The following SPAG16 variants were observed in gnomAD, a reference collection of about 807,000 sequenced individuals.
SPAG16 encodes the protein sperm associated antigen 16.
A neutral mutation model predicts 80.4 loss-of-function variants in SPAG16; 86 were observed. The observed-to-expected ratio is 1.07, with a 90% CI of 0.90 to 1.28. The LOEUF (loss-of-function observed/expected upper bound fraction) is 1.28, where lower values mean the gene tolerates loss of function less well. Among genes scored for constraint, SPAG16 ranks in the 50% most tolerant of loss-of-function variants. The pLI, the probability that SPAG16 is intolerant of heterozygous loss-of-function variation, is 0.00. For synonymous variants in SPAG16, 294 were observed against 265.9 expected (o/e 1.11, Z -1.03); for missense variants, 870 against 765.3 (o/e 1.14, Z -1.61).
chr2:213,920,625 T>C (rs1299879216), intron 11 of SPAG16, among the ~76,000 whole-genome samples: 1 of 152,188 alleles, frequency 6.6e-6, no homozygotes, highest in Non-Finnish European at 1.5e-5. Flanking sequence ...CCAGAGCACC[T>C]GCTTGTTCTA....
At chr2:213,801,076 A>G (rs1385623386) in intron 10 of SPAG16, among the ~76,000 whole-genome samples, 1 of 152,214 alleles carries the variant, frequency 6.6e-6, no homozygotes, top group Non-Finnish European at 1.5e-5. Context: ...TGAAATGTAT[A>G]TGGATTAAAA....
At chr2:213,902,088 T>C (rs1575500767) in intron 11 of SPAG16, among the ~76,000 whole-genome samples, 1 of 152,294 alleles carries the variant, frequency 6.6e-6, no homozygotes, top group Non-Finnish European at 1.5e-5. Context: ...TTTAAGACTT[T>C]GCAAGAGGAT....
At chr2:213,778,091 A>G (rs953723350) in intron 10 of SPAG16, among the ~76,000 whole-genome samples, 9 of 152,216 alleles carry the variant, frequency 5.9e-5, no homozygotes, top group African/African-American at 2.2e-4. Flanking sequence ...ATCTAAATAT[A>G]TAGAATGAAC....
intron 11 of SPAG16, among the ~76,000 whole-genome samples, chr2:213,881,369 C>T (rs949613186): frequency 2.6e-5 from 4 of 152,168 alleles, no homozygotes; most frequent in African/African-American, 7.2e-5. Context: ...AGCCTTTTGA[C>T]AGTCTTCAGA....
chr2:214,041,639 C>T (rs1041386385), intron 13 of SPAG16, among the ~76,000 whole-genome samples: 2 of 151,512 alleles, frequency 1.3e-5, no homozygotes, highest in South Asian at 4.1e-4. Flanking sequence ...TTCTTTTTCA[C>T]TTCACCATAT....
chr2:213,710,979 A>G (rs573715519), intron 10 of SPAG16, among the ~76,000 whole-genome samples: 3 of 152,282 alleles, frequency 2.0e-5, no homozygotes, highest in African/African-American at 7.2e-5. Context: ...TTTTAATTGT[A>G]ATAATATAGG....
Position 213,909,716 on chromosome 2 carries a change from A to G in SPAG16, c.1215-20244A>G, listed in dbSNP as rs548267759. Among the ~76,000 whole-genome samples, 174 of 152,298 alleles carry G rather than the reference A, an allele frequency of 1.1e-3. 1 individual carries two copies. The highest frequency in any genetic ancestry group is 5.1e-4 in the Non-Finnish European group (35 of 68,030). ...TGGATCCCTTCCTTACACCTTATAC[A>G]AAAATTAATTCAAGATGGATTAAAG... On this transcript the variant is annotated intron_variant, in intron 11 of 15. Transcript: ENST00000331683.
intron 12 of SPAG16, among the ~76,000 whole-genome samples, chr2:213,974,530 A>C (rs2045255552): frequency 6.6e-6 from 1 of 151,994 alleles, no homozygotes; most frequent in African/African-American, 2.4e-5. Flanking sequence ...AAATATGATA[A>C]ATACTACCAG....
intron 10 of SPAG16, among the ~76,000 whole-genome samples, chr2:213,620,297 T>G (rs1488837076): frequency 1.5e-5 from 2 of 131,212 alleles, no homozygotes; most frequent in African/African-American, 5.9e-5. Flanking sequence ...TTTTTTTTTT[T>G]TTTTTTTTTT....
Position 214,295,463 on chromosome 2 carries a change from C to A in SPAG16, c.1721-114677C>A, listed in dbSNP as rs74268625. ...ATTGGTACTCAAGGAATTTTGAATACCCTCCCTCCCTAAGCTCTCCTTAAT... is the reference window on the plus strand; with the variant it reads ...ATTGGTACTCAAGGAATTTTGAATAACCTCCCTCCCTAAGCTCTCCTTAAT... On this transcript the variant is annotated intron_variant, in intron 15 of 15. Coordinates refer to ENST00000331683, the MANE Select transcript of SPAG16 (RefSeq NM_024532.5). Among the ~76,000 whole-genome samples, 2,125 of 152,116 alleles carry A rather than the reference C, an allele frequency of 0.014. 143 individuals are homozygous for A. The East Asian group carries it at 0.2, about 14-fold the overall frequency.
intron 14 of SPAG16, among the ~76,000 whole-genome samples, chr2:214,145,894 C>T (rs2055613804): frequency 6.6e-6 from 1 of 152,130 alleles, no homozygotes; most frequent in Non-Finnish European, 1.5e-5. Context: ...ATGTCTAACA[C>T]GTAGTAAGAA....
intron 9 of SPAG16, among the ~76,000 whole-genome samples, chr2:213,437,150 C>T (rs1345401549): frequency 6.6e-6 from 1 of 152,152 alleles, no homozygotes; most frequent in African/African-American, 2.4e-5. Flanking sequence ...CTGCCCGTCT[C>T]AGCCTTCCAA....
chr2:213,984,173 T>C (rs1467619262), intron 12 of SPAG16, among the ~76,000 whole-genome samples: 1 of 152,108 alleles, frequency 6.6e-6, no homozygotes, highest in Non-Finnish European at 1.5e-5. Context: ...TCACGAATAT[T>C]ATCAACCAAC....
At chr2:213,886,069 AC>A (rs1348976539) in intron 11 of SPAG16, among the ~76,000 whole-genome samples, 1 of 152,036 alleles carries the variant, frequency 6.6e-6, no homozygotes, top group Non-Finnish European at 1.5e-5. Flanking sequence ...AAGTAGGGAA[AC>A]CCAGCAAAGC....
intron 15 of SPAG16, among the ~76,000 whole-genome samples, chr2:214,315,049 G>A (rs1267311276): frequency 6.6e-6 from 1 of 151,782 alleles, no homozygotes; most frequent in Non-Finnish European, 1.5e-5. Context: ...TCACATCCTA[G>A]TCACAATTCC....
intron 9 of SPAG16, among the ~76,000 whole-genome samples, chr2:213,453,266 C>G (rs1396519943): frequency 6.6e-6 from 1 of 152,118 alleles, no homozygotes; most frequent in East Asian, 1.9e-4. Flanking sequence ...TCTCTAACCT[C>G]TCATAGTGTC....
intron 10 of SPAG16, among the ~76,000 whole-genome samples, chr2:213,823,275 A>G (rs373798834): frequency 1.3e-5 from 2 of 152,178 alleles, no homozygotes; most frequent in East Asian, 3.9e-4. Context: ...TCTGACTGGC[A>G]TGAGATGGTA....
At chr2:213,465,339 A>G (rs922671125) in intron 9 of SPAG16, among the ~76,000 whole-genome samples, 1 of 152,322 alleles carries the variant, frequency 6.6e-6, no homozygotes, top group African/African-American at 2.4e-5. Flanking sequence ...GTGCACTCAC[A>G]ATAGTGTCAT....
chr2:214,025,287 C>T (rs1463103128), intron 13 of SPAG16, among the ~76,000 whole-genome samples: 1 of 151,608 alleles, frequency 6.6e-6, no homozygotes, highest in African/African-American at 2.4e-5. Context: ...TTGTGTGTTG[C>T]TGTCACTTTC....
Sources: gnomAD v4.1 joint callset for allele counts (sites outside exome capture counted in the v4.1 genomes callset) on GRCh38, gnomAD v4.1.1 for gene constraint, MANE v1.5 for transcripts, NCBI Gene and HGNC (gene_info 2026-07-23, HGNC 2026-07-21) for gene names.